Variants in SIPA1L2 observed in about 807,000 individuals in gnomAD.
SIPA1L2 encodes the protein signal-induced proliferation-associated 1-like protein 2.
In SIPA1L2, 56 loss-of-function variants were observed where a neutral mutation model predicts 163.9. The ratio of observed to expected loss-of-function variants is 0.34; its 90% confidence interval spans 0.28 to 0.43. The LOEUF (loss-of-function observed/expected upper bound fraction) is 0.43, where lower values mean the gene tolerates loss of function less well. Ranked by LOEUF, SIPA1L2 falls within the 20% of genes least tolerant of loss-of-function variation. SIPA1L2 has a pLI of 1.00. For missense variants in SIPA1L2, 1,974 were observed against 2,193.5 expected, an observed-to-expected ratio of 0.90 and a Z score of 2.00; for synonymous variants, 877 against 865.7, an observed-to-expected ratio of 1.01 and a Z score of -0.23.
intron 2 of SIPA1L2, among the ~76,000 whole-genome samples, chr1:232,556,245 G>A (rs1427972434): frequency 6.6e-6 from 1 of 152,194 alleles, no homozygotes; most frequent in Non-Finnish European, 1.5e-5. Context: ...GGGTTTTGCT[G>A]GCAGCCCCTG....
chr1:232,452,884 A>C (rs1390820971), intron 10 of SIPA1L2, among the ~76,000 whole-genome samples: 1 of 152,242 alleles, frequency 6.6e-6, no homozygotes, highest in Non-Finnish European at 1.5e-5. Context: ...AGATTAAGTT[A>C]CATAAAATAT....
chr1:232,593,605 T>C (rs569318049), intron 1 of SIPA1L2, among the ~76,000 whole-genome samples: 41 of 152,310 alleles, frequency 2.7e-4, no homozygotes, highest in African/African-American at 8.9e-4. Context: ...AATGATTACA[T>C]AGAAACAATC....
At chr1:232,513,367 T>A (rs1161335539) in intron 3 of SIPA1L2, among the ~76,000 whole-genome samples, 5 of 152,228 alleles carry the variant, frequency 3.3e-5, no homozygotes, top group African/African-American at 4.8e-5. Flanking sequence ...TTGTGGTAAT[T>A]CAGGCATTCT....
At chr1:232,533,935 C>T (rs1202420095) in intron 2 of SIPA1L2, among the ~76,000 whole-genome samples, 3 of 152,072 alleles carry the variant, frequency 2.0e-5, no homozygotes, top group Non-Finnish European at 2.9e-5. Context: ...GAATTGAAAA[C>T]GTAATACTTT....
At chr1:232,484,115 G>T in intron 5 of SIPA1L2, 149 bp from the exon 6 acceptor site, 1 of 674,302 alleles carries the variant, frequency 1.5e-6, no homozygotes. Context: ...GTAGGCAACT[G>T]CCACTGTGAA....
At chr1:232,592,969 T>C (rs1661044028) in intron 1 of SIPA1L2, among the ~76,000 whole-genome samples, 1 of 152,134 alleles carries the variant, frequency 6.6e-6, no homozygotes, top group South Asian at 2.1e-4. Context: ...AAATTCTCGG[T>C]TTTAATAGTG....
chr1:232,419,346 T>C (rs1165941011), intron 18 of SIPA1L2, among the ~76,000 whole-genome samples: 1 of 152,198 alleles, frequency 6.6e-6, no homozygotes, highest in Admixed American at 6.5e-5. Context: ...TAGAATATCA[T>C]GTAACTGGGA....
intron 3 of SIPA1L2, among the ~76,000 whole-genome samples, chr1:232,502,444 G>A (rs560178065): frequency 1.3e-5 from 2 of 152,140 alleles, no homozygotes; most frequent in Non-Finnish European, 2.9e-5. Context: ...TGCACTCACA[G>A]AAGTCTTTTT....
At chr1:232,541,247 TTAACA>T (rs200351522) in intron 2 of SIPA1L2, among the ~76,000 whole-genome samples, 6,884 of 144,586 alleles carry the variant, frequency 0.048, 195 homozygotes, top group African/African-American at 0.083. Flanking sequence ...TAACATAACA[TTAACA>T]TAACATAACA....
intron 1 of SIPA1L2, among the ~76,000 whole-genome samples, chr1:232,625,646 AGGTCATGTTCACG>A (rs1183976579): frequency 6.6e-6 from 1 of 152,216 alleles, no homozygotes; most frequent in Non-Finnish European, 1.5e-5. Context: ...TACTCTACAC[AGGTCATGTTCACG>A]GGTCACGTTA....
intron 3 of SIPA1L2, 83 bp downstream of exon 3, chr1:232,513,774 C>T (rs1667086400): frequency 2.1e-6 from 3 of 1,425,592 alleles, no homozygotes; most frequent in South Asian, 1.4e-5. Context: ...GAGGAAGGTG[C>T]TCCAACACAA....
intron 15 of SIPA1L2, among the ~76,000 whole-genome samples, chr1:232,438,460 T>C (rs1357188592): frequency 6.6e-6 from 1 of 152,244 alleles, no homozygotes; most frequent in African/African-American, 2.4e-5. Flanking sequence ...AATCGCAAAT[T>C]AGGTATTTTA....
At chr1:232,461,226 G>A in intron 9 of SIPA1L2, 65 bp from the exon 10 acceptor site, 2 of 1,572,630 alleles carry the variant, frequency 1.3e-6, no homozygotes, top group African/African-American at 1.3e-5. Flanking sequence ...CTCTGCCAAA[G>A]GTGCACGTAT....
chr1:232,629,840 C>G (rs1436855165), intron 1 of SIPA1L2, among the ~76,000 whole-genome samples, 29 bp downstream of exon 1: 1 of 152,096 alleles, frequency 6.6e-6, no homozygotes, highest in African/African-American at 2.4e-5. Flanking sequence ...ACCCTCGCCA[C>G]GCTGCCCGTC....
At chr1:232,420,213 C>T (rs773493985) in intron 18 of SIPA1L2, among the ~76,000 whole-genome samples, 1 of 152,056 alleles carries the variant, frequency 6.6e-6, no homozygotes, top group African/African-American at 2.4e-5. Context: ...ATCCCAGTTA[C>T]TCGGGAGGCT....
Position 232,490,995 on chromosome 1 carries a change from C to T in SIPA1L2, c.1685G>A (p.Arg562Gln), listed in dbSNP as rs1195660839. 1 of 1,614,120 alleles carries T rather than the reference C, an allele frequency of 6.2e-7. No individual in the cohort carries two copies. The highest frequency in any genetic ancestry group is 8.5e-7 in the Non-Finnish European group (1 of 1,179,992). The stretch of plus-strand genomic sequence containing the variant: ...CAAAACTTCTTTGAGAGGTAGTCCT[C>T]GTGCGGTACCATGCCTAGCAGTAGA... Reference protein sequence around the residue: ...IPSTARHGTARGLPLKEVLEY... With the variant: ...IPSTARHGTAQGLPLKEVLEY... The change falls in exon 5 of 23, where the codon CGA (arginine) becomes CAA (glutamine). Residue 562 changes from arginine (R) to glutamine (Q), a missense_variant. Physicochemically the swap from Arg to Gln is conservative, Grantham distance 43 (BLOSUM62 1). Transcript: ENST00000674635.
intron 5 of SIPA1L2, among the ~76,000 whole-genome samples, chr1:232,489,587 T>C (rs768915270): frequency 2.0e-5 from 3 of 152,180 alleles, no homozygotes; most frequent in Non-Finnish European, 4.4e-5. Flanking sequence ...TTTTTGCTAA[T>C]AATGCAGTGT....
At chr1:232,446,078 C>G (rs1274818154) in intron 10 of SIPA1L2, among the ~76,000 whole-genome samples, 1 of 152,160 alleles carries the variant, frequency 6.6e-6, no homozygotes, top group Non-Finnish European at 1.5e-5. Flanking sequence ...ATGCTGGTAC[C>G]TGCTAATACA....
chr1:232,599,950 A>C (rs1661507260), intron 1 of SIPA1L2, among the ~76,000 whole-genome samples: 1 of 152,282 alleles, frequency 6.6e-6, no homozygotes. Context: ...CTGATGAAAA[A>C]TTTAGCAACT....
Sources: gnomAD v4.1 joint callset for allele counts (sites outside exome capture counted in the v4.1 genomes callset) on GRCh38, gnomAD v4.1.1 for gene constraint, MANE v1.5 for transcripts, NCBI Gene and HGNC (gene_info 2026-07-23, HGNC 2026-07-21) for gene names.